GLB1L2: variants seen among roughly 807,000 people sequenced by gnomAD.
GLB1L2 encodes the protein galactosidase beta 1 like 2, also known as beta-galactosidase-1-like protein 2.
In GLB1L2, 68 loss-of-function variants were observed where a neutral mutation model predicts 84.1. The observed-to-expected ratio is 0.81, with a 90% CI of 0.67 to 0.99. GLB1L2 has a LOEUF of 0.99. Among genes scored for constraint, GLB1L2 ranks in the 50% least tolerant of loss-of-function variants. The pLI is 0.00. For synonymous variants in GLB1L2, 290 were observed against 318.0 expected, an observed-to-expected ratio of 0.91 and a Z score of 0.94; for missense variants, 762 against 805.6, an observed-to-expected ratio of 0.95 and a Z score of 0.66.
intron 5 of GLB1L2, among the ~76,000 whole-genome samples, chr11:134,351,345 C>CTTTTT (rs367790049): frequency 6.2e-5 from 8 of 129,130 alleles, no homozygotes; most frequent in African/African-American, 1.2e-4. Context: ...CTTTTTCTTT[C>CTTTTT]TTTTTTTTTT....
chr11:134,371,636 A>G, intron 14 of GLB1L2, 116 bp from the exon 15 acceptor site: 1 of 1,144,254 alleles, frequency 8.7e-7, no homozygotes, highest in South Asian at 1.3e-5. Flanking sequence ...CTTTCTGCCC[A>G]GCTGGGATGT....
intron 8 of GLB1L2, among the ~76,000 whole-genome samples, chr11:134,365,733 G>A (rs773143167): frequency 2.0e-5 from 3 of 152,170 alleles, no homozygotes; most frequent in South Asian, 2.1e-4. Context: ...CTTTATGTGC[G>A]CAGTCCAGAG....
intron 6 of GLB1L2, among the ~76,000 whole-genome samples, chr11:134,357,428 C>A (rs996110829): frequency 6.6e-6 from 1 of 152,236 alleles, no homozygotes; most frequent in Non-Finnish European, 1.5e-5. Context: ...GGGCAAGGTC[C>A]ATTCTGATGG....
At chr11:134,342,475 GC>G (rs985629174) in intron 1 of GLB1L2, among the ~76,000 whole-genome samples, 1 of 152,100 alleles carries the variant, frequency 6.6e-6, no homozygotes, top group African/African-American at 2.4e-5. Flanking sequence ...CTCTCCCGTG[GC>G]GTGACGGCTG....
chr11:134,358,683 AG>A (rs2136278575), intron 6 of GLB1L2, among the ~76,000 whole-genome samples: 1 of 152,364 alleles, frequency 6.6e-6, no homozygotes, highest in East Asian at 1.9e-4. Flanking sequence ...GTCGTCCTGG[AG>A]GCCTGACCTA....
intron 4 of GLB1L2, among the ~76,000 whole-genome samples, chr11:134,345,815 T>TC (rs1052131679): frequency 6.6e-6 from 1 of 152,204 alleles, no homozygotes; most frequent in African/African-American, 2.4e-5. Context: ...TTTTGAAAAG[T>TC]CCAAGTATTT....
intron 7 of GLB1L2, 148 bp from the exon 8 acceptor site, chr11:134,364,180 T>C (rs1342761447): frequency 3.0e-6 from 2 of 674,954 alleles, no homozygotes; most frequent in African/African-American, 3.6e-5. Flanking sequence ...CGCGCCTGAC[T>C]GTGGCTGACT....
In GLB1L2 at chr11:134,373,758, G is replaced by A; in HGVS notation, c.1545G>A (p.Leu515=). Residue 515 remains leucine, a synonymous_variant, in exon 16 of 19, where the codon CTG becomes CTA. Coordinates refer to ENST00000535456, the MANE Select transcript of GLB1L2 (RefSeq NM_001370461.1). ...IGNLYLNDSP[L]KNFRIYSLDM... ...ATCTCTATCTGAATGATTCACCCCT[G>A]AAAAACTTCAGAATCTATAGCCTGG... The A allele has an allele frequency of 6.2e-7, 1 of 1,613,324 alleles. No homozygotes were observed. Among genetic ancestry groups the A allele is most frequent in the Non-Finnish European group, 8.5e-7 (1 of 1,179,350 alleles).
At chr11:134,335,452 G>A (rs1943370402) in intron 1 of GLB1L2, among the ~76,000 whole-genome samples, 1 of 152,148 alleles carries the variant, frequency 6.6e-6, no homozygotes, top group Admixed American at 6.5e-5. Flanking sequence ...CATCGGGGAA[G>A]TGTCTCTTTC....
chr11:134,367,701 G>A (rs1943883844), intron 9 of GLB1L2, among the ~76,000 whole-genome samples: 2 of 152,122 alleles, frequency 1.3e-5, no homozygotes, highest in South Asian at 2.1e-4. Context: ...AGCTCTATAC[G>A]CACACACAGA....
At chr11:134,340,160 T>C (rs547140514) in intron 1 of GLB1L2, among the ~76,000 whole-genome samples, 1 of 152,288 alleles carries the variant, frequency 6.6e-6, no homozygotes, top group South Asian at 2.1e-4. Flanking sequence ...GGATAAGTAA[T>C]GTGTGCTTTA....
intron 5 of GLB1L2, among the ~76,000 whole-genome samples, chr11:134,352,086 G>T (rs1180945220): frequency 6.6e-6 from 1 of 152,118 alleles, no homozygotes; most frequent in African/African-American, 2.4e-5. Context: ...ACTTTTCTTT[G>T]TTGGGAGGTT....
chr11:134,350,405 C>T (rs1943609281), intron 5 of GLB1L2, among the ~76,000 whole-genome samples: 1 of 152,204 alleles, frequency 6.6e-6, no homozygotes, highest in Non-Finnish European at 1.5e-5. Flanking sequence ...GACAAGGCAG[C>T]ACTGAGTTCA....
At chr11:134,344,559 G>A in intron 3 of GLB1L2, 104 bp downstream of exon 3, 2 of 1,256,946 alleles carry the variant, frequency 1.6e-6, no homozygotes, top group Non-Finnish European at 2.3e-6. Context: ...ACGTGGGTCT[G>A]GAGTCCTGTT....
At chr11:134,357,001 T>G (rs938874452) in intron 6 of GLB1L2, among the ~76,000 whole-genome samples, 1 of 152,238 alleles carries the variant, frequency 6.6e-6, no homozygotes, top group African/African-American at 2.4e-5. Context: ...AAAGTGTGAC[T>G]AATAGGAGTA....
At chr11:134,368,823 T>G (rs1416692679) in intron 10 of GLB1L2, 42 bp downstream of exon 10, 1 of 1,602,816 alleles carries the variant, frequency 6.2e-7, no homozygotes, top group Non-Finnish European at 8.5e-7. Context: ...CTGCCCTGCA[T>G]GGGCATGGCT....
At chr11:134,347,773 T>C (rs1010028643) in intron 5 of GLB1L2, among the ~76,000 whole-genome samples, 2 of 152,158 alleles carry the variant, frequency 1.3e-5, no homozygotes, top group African/African-American at 2.4e-5. Context: ...GATGAGGTGA[T>C]AGCCGGGAAC....
At chr11:134,345,679 T>C (rs1001113206) in intron 4 of GLB1L2, among the ~76,000 whole-genome samples, 4 of 152,134 alleles carry the variant, frequency 2.6e-5, no homozygotes, top group Admixed American at 6.5e-5. Context: ...CCATGTTGGC[T>C]AGGCTGGTCT....
chr11:134,370,282 C>T lies in GLB1L2; in HGVS notation c.1109-11C>T, dbSNP rs1320585255. 3.1e-6 allele frequency: 5 copies of T among 1,611,394 alleles called. No homozygotes were observed. In the South Asian group the frequency reaches 5.5e-5, roughly 18 times the overall value. On this transcript the variant is annotated splice_polypyrimidine_tract_variant and intron_variant, in intron 11 of 18. Transcript: ENST00000535456. The surrounding 1 kb of genome is among the most constrained non-coding windows in gnomAD (Gnocchi z 4.7). ...GGTCCGTTGGGGGTGACCCTGTTTT[C>T]TGTGTTGCAGGCATCCCTCTCCCTC...
Sources: allele counts gnomAD v4.1 joint callset (sites outside exome capture counted in the v4.1 genomes callset), GRCh38; gene constraint gnomAD v4.1.1; non-coding constraint Gnocchi (gnomAD v3.1); transcripts MANE v1.5; gene names NCBI Gene and HGNC (gene_info 2026-07-23, HGNC 2026-07-21).